Variants in ZNF83 observed in about 807,000 individuals in gnomAD.
ZNF83 encodes the protein zinc finger protein 816B.
For synonymous variants in ZNF83, 209 were observed against 213.0 expected, an observed-to-expected ratio of 0.98 and a Z score of 0.17; for missense variants, 552 against 629.9, an observed-to-expected ratio of 0.88 and a Z score of 1.32.
chr19:52,687,633 G>GTATA (rs35612737), intron 1 of ZNF83, among the ~76,000 whole-genome samples: 1,299 of 27,810 alleles, frequency 0.047, 202 homozygotes, highest in Non-Finnish European at 0.054. Context: ...TATATATAAT[G>GTATA]TATATATATA....
At chr19:52,661,025 C>A (rs571692667) in intron 1 of ZNF83, among the ~76,000 whole-genome samples, 1 of 152,036 alleles carries the variant, frequency 6.6e-6, no homozygotes, top group South Asian at 2.1e-4. Flanking sequence ...CCACGATGCA[C>A]AGCTAATTTT....
rs189967627 is a variant in ZNF83, at chr19:52,649,021, C to T, written c.-74+6540G>A. Among the ~76,000 whole-genome samples, 47 of 152,340 alleles carry T rather than the reference C, an allele frequency of 3.1e-4. No individual in the cohort carries two copies. In the East Asian group the frequency reaches 7.5e-3, roughly 24 times the overall value. ...AGCGACAGTTTTCATGCCCTGCCCC[C>T]TCAACGACCTTTCCCTTCTCCCGCC... On this transcript the variant is annotated intron_variant, in intron 3 of 5. Coordinates refer to the ZNF83 transcript ENST00000594682.
chr19:52,649,845 G>A (rs2061420430), intron 3 of ZNF83, among the ~76,000 whole-genome samples: 1 of 152,036 alleles, frequency 6.6e-6, no homozygotes, highest in Admixed American at 6.6e-5. Flanking sequence ...GGAATTCTTA[G>A]AATAAGCTCA....
intron 2 of ZNF83, among the ~76,000 whole-genome samples, chr19:52,624,092 C>T (rs377431101): frequency 1.3e-5 from 2 of 152,032 alleles, no homozygotes; most frequent in East Asian, 1.9e-4. Context: ...GCTGTACTGC[C>T]GCAAGGCTTC....
intron 1 of ZNF83, among the ~76,000 whole-genome samples, chr19:52,677,470 A>C (rs2061835854): frequency 6.6e-6 from 1 of 152,070 alleles, no homozygotes; most frequent in Non-Finnish European, 1.5e-5. Context: ...TGGGTGACAG[A>C]GTGAGACTCT....
intron 1 of ZNF83, among the ~76,000 whole-genome samples, chr19:52,679,492 G>T (rs12977918): frequency 0.22 from 32,817 of 152,022 alleles, 3,740 homozygotes; most frequent in Non-Finnish European, 0.24. Context: ...ATGCTTATAA[G>T]CCCTGCTACA....
chr19:52,661,926 C>A (rs1046245291), intron 1 of ZNF83, among the ~76,000 whole-genome samples: 1 of 152,058 alleles, frequency 6.6e-6, no homozygotes, highest in Non-Finnish European at 1.5e-5. Flanking sequence ...AGTCCTAGGC[C>A]GAGGGACAGC....
At chr19:52,613,748 T>G (rs755426619) in exon 3 of ZNF83, 13 of 1,383,952 alleles carry the variant, frequency 9.4e-6, no homozygotes, top group Non-Finnish European at 1.1e-5. Context: ...AGGTGTGAAA[T>G]ATGATGGAAG....
chr19:52,684,565 A>AAAG (rs10692686), intron 1 of ZNF83, among the ~76,000 whole-genome samples: 1 of 148,620 alleles, frequency 6.7e-6, no homozygotes. Flanking sequence ...AGAAAAAAAA[A>AAAG]GGAAAGAAAG....
At chr19:52,625,559 A>G (rs1427462656) in intron 2 of ZNF83, among the ~76,000 whole-genome samples, 1 of 152,136 alleles carries the variant, frequency 6.6e-6, no homozygotes, top group African/African-American at 2.4e-5. Flanking sequence ...CCAAAGCCCA[A>G]CTACATATAT....
intron 2 of ZNF83, among the ~76,000 whole-genome samples, chr19:52,628,357 ACT>A (rs1354687430): frequency 6.6e-6 from 1 of 151,458 alleles, no homozygotes; most frequent in Non-Finnish European, 1.5e-5. Flanking sequence ...GCCTCTTTTT[ACT>A]CTCTTCTCCA....
chr19:52,636,493 C>G (rs986150316), intron 1 of ZNF83: 2 of 152,112 alleles, frequency 1.3e-5, no homozygotes, highest in Non-Finnish European at 2.9e-5. Flanking sequence ...CTGAGGCCAA[C>G]ATTCATAGAA....
chr19:52,614,427 A>G (rs1421741642), exon 3 of ZNF83: 1 of 1,613,732 alleles, frequency 6.2e-7, no homozygotes, highest in Admixed American at 1.7e-5. Flanking sequence ...TACTGTTGAC[A>G]GATTTTTCCA....
intron 1 of ZNF83, chr19:52,636,826 T>TG (rs1322684837): frequency 6.6e-6 from 1 of 151,678 alleles, no homozygotes; most frequent in African/African-American, 2.4e-5. Flanking sequence ...CGGTTGTTTT[T>TG]TTTTTTTTTT....
chr19:52,674,496 T>C (rs2061771734), intron 1 of ZNF83, among the ~76,000 whole-genome samples: 1 of 152,210 alleles, frequency 6.6e-6, no homozygotes, highest in East Asian at 1.9e-4. Flanking sequence ...TATTTGTTTG[T>C]AGATGACACG....
At chr19:52,663,559 A>G (rs1200085484) in intron 1 of ZNF83, among the ~76,000 whole-genome samples, 1 of 152,204 alleles carries the variant, frequency 6.6e-6, no homozygotes. Context: ...ATGGAGTAAT[A>G]GGCTACTTGA....
At chr19:52,613,546 G>A (rs768887321) in exon 3 of ZNF83, 1 of 1,614,194 alleles carries the variant, frequency 6.2e-7, no homozygotes, top group East Asian at 2.2e-5. Context: ...TTTCTCTCCA[G>A]TGTGGATTCT....
upstream of ZNF83, among the ~76,000 whole-genome samples, chr19:52,641,380 A>G (rs1428165166): frequency 6.6e-6 from 1 of 152,238 alleles, no homozygotes. Flanking sequence ...TATATAATTG[A>G]TCATTTATTA....
intron 1 of ZNF83, among the ~76,000 whole-genome samples, chr19:52,689,937 G>A (rs1235402957): frequency 6.6e-6 from 1 of 152,226 alleles, no homozygotes; most frequent in Non-Finnish European, 1.5e-5. Context: ...GCGGAGGAGA[G>A]ACCTGGGGAG....
Sources: allele counts gnomAD v4.1 joint callset (sites outside exome capture counted in the v4.1 genomes callset), GRCh38; gene constraint gnomAD v4.1.1; transcripts MANE v1.5; gene names NCBI Gene and HGNC (gene_info 2026-07-23, HGNC 2026-07-21).